CAST: variants seen among roughly 807,000 people sequenced by gnomAD.
CAST encodes calpastatin.
CAST carries 76 observed loss-of-function variants against 119.6 expected under a neutral mutation model. The observed-to-expected ratio is 0.64, with a 90% confidence interval of 0.53 to 0.77. The LOEUF (loss-of-function observed/expected upper bound fraction) is 0.77, where lower values mean the gene tolerates loss of function less well. CAST is among the 30% of genes least tolerant of loss of function. The probability of loss-of-function intolerance (pLI) is 0.00; values close to 1 mark genes in which losing one functional copy is unlikely to be tolerated. For synonymous variants in CAST, 319 were observed against 331.6 expected (o/e 0.96, Z 0.41); for missense variants, 953 against 946.5 (o/e 1.01, Z -0.09).
At chr5:96,253,048 T>C in the CAST span, among the ~76,000 whole-genome samples, 3 of 152,184 alleles carry the variant, frequency 2.0e-5, no homozygotes, top group Non-Finnish European at 2.9e-5. Context: ...ATCTCCTGTG[T>C]TCTAAAGAGG....
the CAST span, among the ~76,000 whole-genome samples, chr5:96,276,045 G>A: frequency 3.9e-5 from 6 of 152,050 alleles, no homozygotes; most frequent in South Asian, 2.1e-4. Flanking sequence ...GGTCTTCTTC[G>A]TGAAACTGAT....
At chr5:96,197,313 G>A in the CAST span, among the ~76,000 whole-genome samples, 2 of 152,158 alleles carry the variant, frequency 1.3e-5, no homozygotes, top group African/African-American at 2.4e-5. Context: ...GTGGAACACA[G>A]TCTCCCAACT....
At chr5:96,403,364 G>A in the CAST span, among the ~76,000 whole-genome samples, 10 of 152,132 alleles carry the variant, frequency 6.6e-5, no homozygotes, top group South Asian at 4.1e-4. Flanking sequence ...TGCTGCACCC[G>A]TTAACTCGTC....
chr5:96,357,457 T>C, the CAST span, among the ~76,000 whole-genome samples: 6 of 152,182 alleles, frequency 3.9e-5, no homozygotes, highest in African/African-American at 1.4e-4. Context: ...AGTACGATAT[T>C]GGCTGTGGGT....
At chr5:96,253,642 G>A in the CAST span, among the ~76,000 whole-genome samples, 1 of 151,832 alleles carries the variant, frequency 6.6e-6, no homozygotes, top group Non-Finnish European at 1.5e-5. Context: ...ACTACATAGT[G>A]CCTAGTACAT....
chr5:96,660,853 C>T (rs1232051266), upstream of CAST, among the ~76,000 whole-genome samples: 1 of 151,898 alleles, frequency 6.6e-6, no homozygotes. Flanking sequence ...TGGACATAGT[C>T]CCAATATCTA....
chr5:96,370,956 A>G, the CAST span, among the ~76,000 whole-genome samples: 1 of 152,080 alleles, frequency 6.6e-6, no homozygotes, highest in African/African-American at 2.4e-5. Context: ...TCCACAATAC[A>G]CTCATTCACA....
chr5:96,268,370 C>T, the CAST span, among the ~76,000 whole-genome samples: 1,079 of 152,192 alleles, frequency 7.1e-3, 11 homozygotes, highest in African/African-American at 0.025. Flanking sequence ...GCAAGAAGTT[C>T]GGGCCCAGTC....
chr5:96,530,766 AG>A (rs1400603896), intron 1 of CAST, among the ~76,000 whole-genome samples: 4 of 152,134 alleles, frequency 2.6e-5, no homozygotes, highest in African/African-American at 2.4e-5. Flanking sequence ...TTCTATACCA[AG>A]ACTCTAGCAA....
the CAST span, among the ~76,000 whole-genome samples, chr5:96,000,646 A>G: frequency 7.9e-5 from 12 of 152,304 alleles, no homozygotes; most frequent in African/African-American, 2.6e-4. Flanking sequence ...TGAAAACTTC[A>G]AGAAGAATGA....
chr5:95,983,140 T>G, the CAST span, among the ~76,000 whole-genome samples: 2 of 152,242 alleles, frequency 1.3e-5, no homozygotes, highest in African/African-American at 2.4e-5. Context: ...TAGTGCTTAA[T>G]GATGTGTGCT....
chr5:96,090,201 T>A, the CAST span, among the ~76,000 whole-genome samples: 1 of 152,260 alleles, frequency 6.6e-6, no homozygotes, highest in East Asian at 1.9e-4. Context: ...GGGATACGGG[T>A]CTCTAGTACC....
the CAST span, among the ~76,000 whole-genome samples, chr5:96,261,399 C>T: frequency 6.6e-6 from 1 of 152,134 alleles, no homozygotes; most frequent in African/African-American, 2.4e-5. Flanking sequence ...GACAGTGGGA[C>T]AAGATGATGG....
chr5:96,182,269 G>A, the CAST span, among the ~76,000 whole-genome samples: 2 of 152,192 alleles, frequency 1.3e-5, no homozygotes, highest in Non-Finnish European at 2.9e-5. Context: ...GTGGGGCATT[G>A]TTGGGAAGGC....
At chr5:96,561,134 C>T (rs263398) in intron 1 of CAST, among the ~76,000 whole-genome samples, 50,630 of 146,192 alleles carry the variant, frequency 0.35, 9,178 homozygotes, top group Middle Eastern at 0.49. Context: ...TTCTCACTCA[C>T]AGATGGGAGT....
Position 96,764,940 on chromosome 5 carries a change from C to A in CAST, c.1933-281C>A, listed in dbSNP as rs112634209. ...ATGGCTCCTGAGGCTGCCACTAAGACCTCCTTAACCTGGTGGGATCTTCAC... is the reference window on the plus strand; with the variant it reads ...ATGGCTCCTGAGGCTGCCACTAAGAACTCCTTAACCTGGTGGGATCTTCAC... On this transcript the variant is annotated intron_variant, in intron 25 of 31. Transcript: ENST00000675179. 4.7e-3 allele frequency among the ~76,000 whole-genome samples: 718 copies of A among 152,218 alleles called. 5 individuals are homozygous for A. The highest frequency in any genetic ancestry group is 0.016 in the African/African-American group (681 of 41,540).
chr5:96,351,183 C>T, the CAST span, among the ~76,000 whole-genome samples: 1 of 152,118 alleles, frequency 6.6e-6, no homozygotes, highest in Non-Finnish European at 1.5e-5. Context: ...TATAAAAACA[C>T]ATAACATCAT....
At chr5:96,729,771 A>G (rs143307098) in intron 8 of CAST, 46 bp downstream of exon 8, 3 of 824,692 alleles carry the variant, frequency 3.6e-6, no homozygotes, top group Non-Finnish European at 6.5e-6. Context: ...CAACTGGATA[A>G]TAAGATACGG....
At chr5:96,027,863 CA>C in the CAST span, among the ~76,000 whole-genome samples, 1 of 151,968 alleles carries the variant, frequency 6.6e-6, no homozygotes, top group South Asian at 2.1e-4. Flanking sequence ...ACCCAGACAA[CA>C]AAAGCAACTG....
Sources: allele counts gnomAD v4.1 joint callset (sites outside exome capture counted in the v4.1 genomes callset), GRCh38; gene constraint gnomAD v4.1.1; transcripts MANE v1.5; gene names NCBI Gene and HGNC (gene_info 2026-07-23, HGNC 2026-07-21).